The following DOT1L variants were observed in gnomAD, a reference collection of about 807,000 sequenced individuals.
DOT1L encodes the protein histone-lysine N-methyltransferase, H3 lysine-79 specific.
In DOT1L, 33 loss-of-function variants were observed where a neutral mutation model predicts 153.3. That is an observed-to-expected ratio of 0.22 (90% CI 0.16 to 0.29). DOT1L has a LOEUF of 0.29. DOT1L is among the 10% of genes least tolerant of loss of function. The pLI is 1.00. For missense variants in DOT1L, 1,847 were observed against 2,119.9 expected, an observed-to-expected ratio of 0.87 and a Z score of 2.53; for synonymous variants, 1,135 against 965.1, an observed-to-expected ratio of 1.18 and a Z score of -3.26.
chr19:2,170,021 G>T (rs934059026), intron 1 of DOT1L, among the ~76,000 whole-genome samples: 1 of 152,280 alleles, frequency 6.6e-6, no homozygotes, highest in Admixed American at 6.5e-5. Context: ...GCTGGGCGTG[G>T]TGGCGGTTGC....
At chr19:2,216,821 GTGTGCTCAGGC>G in intron 20 of DOT1L, 56 bp downstream of exon 20, 1 of 1,557,858 alleles carries the variant, frequency 6.4e-7, no homozygotes, top group Non-Finnish European at 8.7e-7. Context: ...ACTCTGCCTG[GTGTGCTCAGGC>G]TGTCGGGTTC....
intron 16 of DOT1L, 97 bp downstream of exon 16, chr19:2,211,939 C>G (rs2023729632): frequency 8.3e-7 from 1 of 1,197,696 alleles, no homozygotes; most frequent in Non-Finnish European, 1.2e-6. Context: ...CCCTGGAGCG[C>G]AGGCCTGAGT....
Position 2,216,968 on chromosome 19 carries a change from AAGG to A in DOT1L, c.2425_2427del (p.Glu809del), listed in dbSNP as rs777625749. The A allele has an allele frequency of 2.5e-6, 4 of 1,612,620 alleles. No individual in the cohort carries two copies. The highest frequency in any genetic ancestry group is 1.1e-5 in the South Asian group (1 of 91,010). Reference sequence around the variant, plus strand: ...TTCTCATTCCAGAGCTGAGCACACCAAGGAGAACGGCCTTCCCTACCAGAGCCC... The same window carrying A: ...TTCTCATTCCAGAGCTGAGCACACCAAGAACGGCCTTCCCTACCAGAGCCC... On this transcript the variant is annotated inframe_deletion, in exon 21 of 28. Coordinates refer to ENST00000398665, the MANE Select transcript of DOT1L (RefSeq NM_032482.3).
intron 27 of DOT1L, chr19:2,228,357 TTAGC>T: frequency 7.6e-7 from 1 of 1,315,312 alleles, no homozygotes; most frequent in Non-Finnish European, 1.0e-6. Flanking sequence ...AAGACCTTGC[TTAGC>T]TAGCAGTGCG....
At position 2,201,784 on chromosome 19, in the gene DOT1L, C is replaced by T. The variant is rs1479958104; in HGVS notation, c.708-916C>T. 2.6e-5 allele frequency among the ~76,000 whole-genome samples: 4 copies of T among 152,378 alleles called. No individual in the cohort carries two copies. In the East Asian group the frequency reaches 7.7e-4, roughly 29 times the overall value. Reference sequence around the variant, plus strand: ...GGGCTCGGCCCAGGCTCTCACAGTTCCTCTCCAGGAGCTGCCAGCCTCGCT... The same window carrying T: ...GGGCTCGGCCCAGGCTCTCACAGTTTCTCTCCAGGAGCTGCCAGCCTCGCT... On this transcript the variant is annotated intron_variant, in intron 8 of 27. Transcript: ENST00000398665.
At chr19:2,209,247 C>G (rs766772319) in intron 12 of DOT1L, among the ~76,000 whole-genome samples, 2 of 152,166 alleles carry the variant, frequency 1.3e-5, no homozygotes, top group Non-Finnish European at 1.5e-5. Context: ...CTCTCTCCCC[C>G]ACCCTCCCTC....
rs762151259 is a variant in DOT1L at position 2,222,100 on chromosome 19, C to T, written c.2931C>T (p.Thr977=). Residue 977 remains threonine (T), a synonymous_variant, in exon 24 of 28, where the codon ACC becomes ACT. Transcript: ENST00000398665. This position sits in a 1 kb window ranked among gnomAD's most constrained non-coding sequence, Gnocchi z 6.5. ...CCAGCTCTGGGAGCCTTTTTGCCAC[C>T]GTGGGGTCCCGCAGCTCCACGCCAC... The part of the protein sequence containing the change: ...ESSSSGSLFA[T]VGSRSSTPQH... 3.3e-5 allele frequency: 53 copies of T among 1,613,256 alleles called. No homozygotes were observed. The highest frequency in any genetic ancestry group is 1.6e-4 in the Middle Eastern group (1 of 6,084).
Position 2,227,254 on chromosome 19 carries a change from C to T in DOT1L, c.4606+127C>T, listed in dbSNP as rs1157506969. On this transcript the variant is annotated intron_variant, in intron 27 of 27. Coordinates refer to ENST00000398665, the MANE Select transcript of DOT1L (RefSeq NM_032482.3). Reference sequence around the variant, plus strand: ...TGCAGGTCCCCTGGTGCCGGCCGGCCCCCGCCATCCGTGCACGGTGGCGAA... The same window carrying T: ...TGCAGGTCCCCTGGTGCCGGCCGGCTCCCGCCATCCGTGCACGGTGGCGAA... 2.4e-6 allele frequency: 3 copies of T among 1,262,258 alleles called. No homozygotes were observed. The African/African-American group carries it at 4.4e-5, about 19-fold the overall frequency. The allele number at this position is 1,262,258 out of a possible 1,614,324, so 78.2% of individuals were successfully genotyped here.
rs966988631 is a variant in DOT1L, at chr19:2,190,956, G to A, written c.265-56G>A. On this transcript the variant is annotated intron_variant, in intron 4 of 27. Transcript: ENST00000398665. This position sits in a 1 kb window ranked among gnomAD's most constrained non-coding sequence, Gnocchi z 4.8. ...GGGAAAGGTCCCGGGTCTTGGTGGT[G>A]GAGGGGCTGGGCCGTGAGGTTTATG... The A allele has an allele frequency of 5.3e-4, 788 of 1,490,124 alleles. No homozygotes were observed. The highest frequency in any genetic ancestry group is 6.8e-4 in the Non-Finnish European group (750 of 1,103,790). 92.3% of individuals were successfully genotyped at this position (1,490,124 alleles called of 1,614,324 possible). A position where few individuals can be genotyped will look rare whatever the true frequency, so the allele number is the denominator to read the frequency against.
At position 2,210,436 on chromosome 19, in the gene DOT1L, G is replaced by A. The variant is rs866975812; in HGVS notation, c.1042G>A (p.Glu348Lys). The A allele has an allele frequency of 2.6e-6, 4 of 1,568,036 alleles. No homozygotes were observed. The highest frequency in any genetic ancestry group is 1.1e-5 in the South Asian group (1 of 87,722). The change falls in exon 13 of 28, where the codon GAG becomes AAG. Residue 348 changes from glutamate (E) to lysine (K), a missense_variant. Coordinates refer to ENST00000398665, the MANE Select transcript of DOT1L (RefSeq NM_032482.3). ...GGCAGCCCGGCGCCGCCAGCAGCGC[G>A]AGAGCAAGAGCAACGCGGCCACGCC... is the stretch of plus-strand genomic sequence containing the variant. ...QEAARRRQQR[E>K]SKSNAATPTK...
chr19:2,192,954 G>A (rs998105145), intron 5 of DOT1L, among the ~76,000 whole-genome samples: 28 of 152,256 alleles, frequency 1.8e-4, no homozygotes, highest in African/African-American at 5.5e-4. Context: ...TCTTCCCACT[G>A]GTGTGGTGGC....
rs201999975 is a variant in DOT1L at position 2,207,696 on chromosome 19, C to A, written c.963+16C>A. On this transcript the variant is annotated intron_variant, in intron 11 of 27. Coordinates refer to ENST00000398665, the MANE Select transcript of DOT1L (RefSeq NM_032482.3). The surrounding 1 kb of genome is among the most constrained non-coding windows in gnomAD (Gnocchi z 4.5). ...CCGCACCATAGTGAGTATCTCGCTGCGCCTCAGCCGCAGGGCCGTCCTGGT... is the reference window on the plus strand; with the variant it reads ...CCGCACCATAGTGAGTATCTCGCTGAGCCTCAGCCGCAGGGCCGTCCTGGT... 2.5e-6 allele frequency: 4 copies of A among 1,599,652 alleles called. No individual in the cohort carries two copies. Among genetic ancestry groups the A allele is most frequent in the Non-Finnish European group, 3.4e-6 (4 of 1,173,038 alleles).
rs775373891 is a variant in DOT1L, at chr19:2,217,122, G to T, written c.2544+32G>T. The T allele has an allele frequency of 1.9e-6, 3 of 1,555,636 alleles. No homozygotes were observed. The highest frequency in any genetic ancestry group is 3.7e-5 in the Admixed American group (2 of 54,176). ...GCCGCGACCCCTGCCCCGGGCTCAG[G>T]GAGGTGCTCAGCAGAGGCGGCCTGA... On this transcript the variant is annotated intron_variant, in intron 21 of 27. Coordinates refer to ENST00000398665, the MANE Select transcript of DOT1L (RefSeq NM_032482.3). The surrounding 1 kb of genome is among the most constrained non-coding windows in gnomAD (Gnocchi z 7.3).
At chr19:2,214,310 G>A (rs1018400401) in intron 18 of DOT1L, 161 bp from the exon 19 acceptor site, 52 of 1,267,502 alleles carry the variant, frequency 4.1e-5, no homozygotes, top group Non-Finnish European at 5.2e-5. Context: ...CCCAGTCTCC[G>A]CGTGTTCCGC....
chr19:2,211,275 G>A lies in DOT1L; in HGVS notation c.1465+63G>A, dbSNP rs2023705310. 7 of 1,416,432 alleles carry A rather than the reference G, an allele frequency of 4.9e-6. No individual in the cohort carries two copies. In the South Asian group the frequency reaches 8.8e-5, roughly 18 times the overall value. 87.7% of individuals were successfully genotyped at this position (1,416,432 alleles called of 1,614,324 possible). A position where few individuals can be genotyped will look rare whatever the true frequency, so the allele number is the denominator to read the frequency against. On this transcript the variant is annotated intron_variant, in intron 15 of 27. Coordinates refer to ENST00000398665, the MANE Select transcript of DOT1L (RefSeq NM_032482.3). ...CTTGGGGTCATCCCAGGAGGACCGT[G>A]GGTTGTGACGCTGACCTCGCAGCAG...
intron 27 of DOT1L, 161 bp from the exon 28 acceptor site, chr19:2,229,624 T>C: frequency 1.0e-6 from 1 of 985,378 alleles, no homozygotes; most frequent in Non-Finnish European, 1.2e-6. Context: ...ACGCCCGTCG[T>C]CTGTTGTGGT....
chr19:2,218,340 A>T (rs1305120387), intron 22 of DOT1L, among the ~76,000 whole-genome samples: 1 of 152,166 alleles, frequency 6.6e-6, no homozygotes, highest in Non-Finnish European at 1.5e-5. Context: ...ACTATTTTTT[A>T]AAAATTGTGC....
intron 15 of DOT1L, 24 bp from the exon 16 acceptor site, chr19:2,211,727 C>T (rs955420353): frequency 1.7e-5 from 26 of 1,545,484 alleles, no homozygotes; most frequent in Non-Finnish European, 2.2e-5. Flanking sequence ...TCTCTTCTCA[C>T]CTGTGTTCCG....
Position 2,222,399 on chromosome 19 carries a change from C to T in DOT1L, c.3230C>T (p.Pro1077Leu), listed in dbSNP as rs751060049. 27 of 1,610,506 alleles carry T rather than the reference C, an allele frequency of 1.7e-5. No individual in the cohort carries two copies. The highest frequency in any genetic ancestry group is 2.2e-5 in the South Asian group (2 of 90,926). The change falls in exon 24 of 28, where the codon CCG becomes CTG. Residue 1077 changes from proline to leucine, a missense_variant. This residue lies in a region of DOT1L where 934 missense variants were observed against 825.3 expected (regional missense o/e 1.13). Transcript: ENST00000398665. This position sits in a 1 kb window ranked among gnomAD's most constrained non-coding sequence, Gnocchi z 6.5. The part of the protein sequence containing the change: ...LTASARGDCV[P>L]SHGQDSRRRG... Reference sequence around the variant, plus strand: ...GCCAGCGCCCGTGGGGACTGTGTGCCGAGCCACGGGCAGGACAGTCGCAGG... The same window carrying T: ...GCCAGCGCCCGTGGGGACTGTGTGCTGAGCCACGGGCAGGACAGTCGCAGG...
Sources: allele counts gnomAD v4.1 joint callset (sites outside exome capture counted in the v4.1 genomes callset), GRCh38; gene constraint gnomAD v4.1.1; regional missense constraint gnomAD v4.1.1; non-coding constraint Gnocchi (gnomAD v3.1); transcripts MANE v1.5; gene names NCBI Gene and HGNC (gene_info 2026-07-23, HGNC 2026-07-21).